The following NBAS variants were observed in gnomAD, a reference collection of about 807,000 sequenced individuals.
NBAS encodes NAG/BC035112 fusion.
NBAS carries 219 observed loss-of-function variants against 302.5 expected under a neutral mutation model. The ratio of observed to expected loss-of-function variants is 0.72; its 90% CI spans 0.65 to 0.81. The LOEUF (loss-of-function observed/expected upper bound fraction) is 0.81, where lower values mean the gene tolerates loss of function less well. Among genes scored for constraint, NBAS ranks in the 30% least tolerant of loss-of-function variants. The pLI is 0.00. For missense variants in NBAS, 2,932 were observed against 2,841.6 expected, an observed-to-expected ratio of 1.03 and a Z score of -0.72; for synonymous variants, 1,118 against 1,021.6, an observed-to-expected ratio of 1.09 and a Z score of -1.80.
At chr2:15,337,906 A>G (rs528981636) in intron 35 of NBAS, among the ~76,000 whole-genome samples, 1 of 152,366 alleles carries the variant, frequency 6.6e-6, no homozygotes, top group South Asian at 2.1e-4. Flanking sequence ...TCATAGTGGC[A>G]CACTGCTAAT....
At chr2:14,804,861 C>T in the NBAS span, among the ~76,000 whole-genome samples, 9 of 152,292 alleles carry the variant, frequency 5.9e-5, no homozygotes, top group African/African-American at 2.2e-4. Flanking sequence ...GAAATAAGAA[C>T]AGGCCTAAAA....
chr2:15,033,471 G>A, the NBAS span, among the ~76,000 whole-genome samples: 1 of 152,106 alleles, frequency 6.6e-6, no homozygotes, highest in Non-Finnish European at 1.5e-5. Context: ...TTGTAGGGAT[G>A]GAATAATTAT....
the NBAS span, among the ~76,000 whole-genome samples, chr2:14,959,007 T>A: frequency 2.2e-4 from 34 of 152,100 alleles, no homozygotes; most frequent in African/African-American, 8.2e-4. Context: ...CATTTAGGAT[T>A]TAAGTTCATG....
At chr2:15,403,579 G>A (rs959052843) in intron 25 of NBAS, among the ~76,000 whole-genome samples, 1 of 152,140 alleles carries the variant, frequency 6.6e-6, no homozygotes, top group Non-Finnish European at 1.5e-5. Context: ...ACAAGAGGAT[G>A]TGCAAAGGTT....
the NBAS span, among the ~76,000 whole-genome samples, chr2:15,135,764 A>T: frequency 6.6e-6 from 1 of 151,886 alleles, no homozygotes; most frequent in Non-Finnish European, 1.5e-5. Flanking sequence ...CCATCTCCAT[A>T]GAGCAGGGGT....
chr2:14,992,194 G>A, the NBAS span, among the ~76,000 whole-genome samples: 311 of 152,294 alleles, frequency 2.0e-3, 1 homozygote, highest in African/African-American at 6.5e-3. Context: ...ATGCAAATGG[G>A]TATTTGCATT....
At chr2:15,363,774 T>C (rs2148332877) in intron 32 of NBAS, among the ~76,000 whole-genome samples, 1 of 152,334 alleles carries the variant, frequency 6.6e-6, no homozygotes, top group Middle Eastern at 3.4e-3. Context: ...ATTTAACTGT[T>C]TTTAATTCAA....
At chr2:15,246,242 C>G (rs757632724) in intron 44 of NBAS, among the ~76,000 whole-genome samples, 1 of 152,186 alleles carries the variant, frequency 6.6e-6, no homozygotes, top group Non-Finnish European at 1.5e-5. Flanking sequence ...GCCTGTGTTT[C>G]TGGAATCAGT....
At chr2:14,814,691 T>A in the NBAS span, among the ~76,000 whole-genome samples, 2 of 152,194 alleles carry the variant, frequency 1.3e-5, no homozygotes, top group Non-Finnish European at 2.9e-5. Flanking sequence ...CTTGGACTTT[T>A]GAGTTAATGT....
At chr2:14,848,483 G>A in the NBAS span, among the ~76,000 whole-genome samples, 1,081 of 143,516 alleles carry the variant, frequency 7.5e-3, 23 homozygotes, top group Non-Finnish European at 7.0e-3. Context: ...ACTGCAAGGC[G>A]GCAGCGAGGC....
At chr2:15,246,527 T>C (rs533475626) in intron 44 of NBAS, among the ~76,000 whole-genome samples, 2 of 152,384 alleles carry the variant, frequency 1.3e-5, no homozygotes, top group East Asian at 1.9e-4. Context: ...GTTCTCAACA[T>C]GTCCCTGGAA....
At chr2:15,533,986 C>T (rs768953243) in intron 9 of NBAS, among the ~76,000 whole-genome samples, 3 of 152,052 alleles carry the variant, frequency 2.0e-5, no homozygotes, top group Non-Finnish European at 4.4e-5. Context: ...ACGTATATGG[C>T]TTCTGTTCTC....
the NBAS span, among the ~76,000 whole-genome samples, chr2:14,845,009 G>A: frequency 6.6e-6 from 1 of 152,212 alleles, no homozygotes; most frequent in Admixed American, 6.5e-5. Context: ...CACAAGCCTT[G>A]CTGGCTTTGC....
the NBAS span, among the ~76,000 whole-genome samples, chr2:15,075,721 T>G: frequency 1.6e-4 from 24 of 152,006 alleles, no homozygotes; most frequent in Admixed American, 1.4e-3. Flanking sequence ...ATATATTATG[T>G]GTAGTATGAT....
At chr2:15,285,150 C>T (rs1201734256) in intron 42 of NBAS, among the ~76,000 whole-genome samples, 1 of 152,042 alleles carries the variant, frequency 6.6e-6, no homozygotes, top group African/African-American at 2.4e-5. Flanking sequence ...GACGTCCATG[C>T]AATATTTATC....
the NBAS span, among the ~76,000 whole-genome samples, chr2:15,111,813 G>A: frequency 1.3e-5 from 2 of 150,748 alleles, no homozygotes; most frequent in South Asian, 2.1e-4. Context: ...AATAATAGAA[G>A]AGGGACTTTC....
At chr2:15,240,545 A>C (rs1014758269) in intron 44 of NBAS, among the ~76,000 whole-genome samples, 3 of 152,096 alleles carry the variant, frequency 2.0e-5, no homozygotes, top group East Asian at 1.9e-4. Context: ...TGAACCCGGC[A>C]GGCGGAGGCT....
chr2:15,122,690 AC>A, the NBAS span, among the ~76,000 whole-genome samples: 1 of 152,214 alleles, frequency 6.6e-6, no homozygotes, highest in Non-Finnish European at 1.5e-5. Context: ...TCCAAACTCA[AC>A]CCAAGAACAC....
At chr2:15,127,725 T>A in the NBAS span, among the ~76,000 whole-genome samples, 4 of 152,256 alleles carry the variant, frequency 2.6e-5, no homozygotes, top group East Asian at 5.8e-4. Flanking sequence ...CTTTAAAGTG[T>A]AATGGCTGTA....
Sources: allele counts gnomAD v4.1 joint callset (sites outside exome capture counted in the v4.1 genomes callset), GRCh38; gene constraint gnomAD v4.1.1; transcripts MANE v1.5; gene names NCBI Gene and HGNC (gene_info 2026-07-23, HGNC 2026-07-21).